ZNF385D: variants seen among roughly 807,000 people sequenced by gnomAD.
ZNF385D encodes zinc finger protein 385D, also known as zinc finger protein 659.
Under a neutral mutation model 35.8 loss-of-function variants are expected in ZNF385D, and 15 were observed. That is an observed-to-expected ratio of 0.42 (90% CI 0.28 to 0.64). ZNF385D has a LOEUF of 0.64. ZNF385D is among the 30% of genes least tolerant of loss of function. The probability of loss-of-function intolerance (pLI) is 0.23; values close to 1 mark genes in which losing one functional copy is unlikely to be tolerated. For missense variants in ZNF385D, 474 were observed against 494.6 expected (o/e 0.96, Z 0.39); for synonymous variants, 212 against 186.8 (o/e 1.13, Z -1.10).
intron 3 of ZNF385D, among the ~76,000 whole-genome samples, chr3:22,139,719 A>G (rs1704378546): frequency 6.6e-6 from 1 of 152,182 alleles, no homozygotes; most frequent in Non-Finnish European, 1.5e-5. Flanking sequence ...TACATATGTA[A>G]CAAACCTGCA....
chr3:21,712,280 G>A (rs1016056636), intron 1 of ZNF385D, among the ~76,000 whole-genome samples: 2 of 152,132 alleles, frequency 1.3e-5, no homozygotes, highest in African/African-American at 4.8e-5. Flanking sequence ...CATCACAGTA[G>A]GAATCTGAGA....
In ZNF385D at chr3:21,525,905, C is replaced by T. The variant is rs74872879; in HGVS notation, c.277-14882G>A. ...TGTCTAAGTGATGTTGTTAATATCA[C>T]TGCTTTCATTTCCTAAACCAGCAAG... is the stretch of plus-strand genomic sequence containing the variant. On this transcript the variant is annotated intron_variant, in intron 3 of 7. Transcript: ENST00000281523. Among the ~76,000 whole-genome samples the T allele has an allele frequency of 2.1e-3, 323 of 152,168 alleles. 2 individuals are homozygous for T. The highest frequency in any genetic ancestry group is 6.4e-3 in the African/African-American group (266 of 41,534).
intron 2 of ZNF385D, among the ~76,000 whole-genome samples, chr3:22,240,476 T>C (rs1699433874): frequency 2.0e-5 from 3 of 151,128 alleles, no homozygotes; most frequent in South Asian, 4.3e-4. Context: ...TAAACCTGGA[T>C]CACCCACCTT....
chr3:21,901,177 AG>A (rs1225839320), intron 3 of ZNF385D, among the ~76,000 whole-genome samples: 1 of 152,216 alleles, frequency 6.6e-6, no homozygotes, highest in Non-Finnish European at 1.5e-5. Context: ...TAAAATTAAA[AG>A]GCTATGTTTA....
chr3:21,444,845 G>C (rs759410938), intron 4 of ZNF385D, among the ~76,000 whole-genome samples: 2 of 152,152 alleles, frequency 1.3e-5, no homozygotes, highest in Non-Finnish European at 2.9e-5. Context: ...CAAATTTGGG[G>C]ATAAACAGAT....
At position 22,160,188 on chromosome 3, in the gene ZNF385D, C is replaced by T. The variant is rs543016956; in HGVS notation, c.325+8629G>A. ...AAATCTTTTTCTTTTATAAATCACC[C>T]AGTCTTGGCCAGTTCTGTATAGCAG... On this transcript the variant is annotated intron_variant, in intron 3 of 5. Transcript: ENST00000494108. Among the ~76,000 whole-genome samples, 6 of 152,140 alleles carry T rather than the reference C, an allele frequency of 3.9e-5. No individual in the cohort carries two copies. In the East Asian group the frequency reaches 1.2e-3, roughly 29 times the overall value.
intron 3 of ZNF385D, among the ~76,000 whole-genome samples, chr3:22,158,291 C>T (rs771616476): frequency 2.6e-5 from 4 of 152,062 alleles, no homozygotes; most frequent in Non-Finnish European, 5.9e-5. Context: ...ACCTTTAAGT[C>T]TACTTCAGAG....
chr3:22,141,473 A>T (rs898747751), intron 3 of ZNF385D, among the ~76,000 whole-genome samples: 3 of 152,190 alleles, frequency 2.0e-5, no homozygotes, highest in Non-Finnish European at 4.4e-5. Context: ...ACAAAGAAGG[A>T]ATCCTAGCTA....
At chr3:22,203,871 C>G (rs546554171) in intron 2 of ZNF385D, among the ~76,000 whole-genome samples, 8 of 152,256 alleles carry the variant, frequency 5.3e-5, no homozygotes, top group South Asian at 2.1e-4. Flanking sequence ...ACCATGGCTT[C>G]TGGATGGCAT....
At chr3:21,641,775 G>C (rs1456086261) in intron 2 of ZNF385D, among the ~76,000 whole-genome samples, 5 of 151,496 alleles carry the variant, frequency 3.3e-5, no homozygotes, top group Admixed American at 2.0e-4. Context: ...AAATTATTTA[G>C]ACAGATAGTG....
At chr3:22,071,146 A>G (rs1156561603) in intron 3 of ZNF385D, among the ~76,000 whole-genome samples, 2 of 152,212 alleles carry the variant, frequency 1.3e-5, no homozygotes, top group Non-Finnish European at 1.5e-5. Context: ...ACAGCAATAA[A>G]GAATGCATAT....
intron 5 of ZNF385D, among the ~76,000 whole-genome samples, chr3:21,433,894 C>G (rs898332684): frequency 6.6e-6 from 1 of 152,098 alleles, no homozygotes; most frequent in Non-Finnish European, 1.5e-5. Flanking sequence ...GCTCCAGACA[C>G]ACACAAATTC....
intron 1 of ZNF385D, among the ~76,000 whole-genome samples, chr3:21,723,460 G>A (rs1455227363): frequency 6.6e-6 from 1 of 152,146 alleles, no homozygotes; most frequent in African/African-American, 2.4e-5. Context: ...GAACATAAAT[G>A]ACCTGAAGGA....
chr3:21,758,068 G>C (rs2070427225), intron 3 of ZNF385D, among the ~76,000 whole-genome samples: 1 of 152,114 alleles, frequency 6.6e-6, no homozygotes, highest in Admixed American at 6.6e-5. Flanking sequence ...CTGAATCTCA[G>C]ATACTTTGTT....
chr3:22,288,420 A>G (rs1392612980), intron 2 of ZNF385D, among the ~76,000 whole-genome samples: 1 of 149,560 alleles, frequency 6.7e-6, no homozygotes, highest in East Asian at 1.9e-4. Flanking sequence ...TTCTTAAGCC[A>G]TCTTCCATCT....
intron 3 of ZNF385D, among the ~76,000 whole-genome samples, chr3:21,537,444 C>T (rs1414674137): frequency 6.6e-6 from 1 of 151,900 alleles, no homozygotes; most frequent in Non-Finnish European, 1.5e-5. Context: ...CACGCCCGGC[C>T]CAACATTTTT....
chr3:21,887,548 A>G (rs939843842), intron 3 of ZNF385D, among the ~76,000 whole-genome samples: 1 of 152,152 alleles, frequency 6.6e-6, no homozygotes, highest in African/African-American at 2.4e-5. Context: ...ACTTCTGAGT[A>G]TTAGGGAGGC....
At chr3:21,758,482 G>T (rs896882199) in intron 3 of ZNF385D, among the ~76,000 whole-genome samples, 1 of 152,150 alleles carries the variant, frequency 6.6e-6, no homozygotes, top group Admixed American at 6.6e-5. Context: ...AGGAACCAGA[G>T]GGCCAGTCAA....
chr3:22,094,352 G>T (rs1701486673), intron 3 of ZNF385D, among the ~76,000 whole-genome samples: 1 of 81,598 alleles, frequency 1.2e-5, no homozygotes, highest in South Asian at 4.9e-4. Context: ...AAATGTGCAG[G>T]CATTTTACCA....
Sources: gnomAD v4.1 joint callset for allele counts (sites outside exome capture counted in the v4.1 genomes callset) on GRCh38, gnomAD v4.1.1 for gene constraint, MANE v1.5 for transcripts, NCBI Gene and HGNC (gene_info 2026-07-23, HGNC 2026-07-21) for gene names.